The following PKP4 variants were observed in gnomAD, a reference collection of about 807,000 sequenced individuals.
The protein encoded by PKP4 is plakophilin-4.
Under a neutral mutation model 145.1 loss-of-function variants are expected in PKP4, and 90 were observed. The observed-to-expected ratio is 0.62, with a 90% CI of 0.52 to 0.74. The LOEUF (loss-of-function observed/expected upper bound fraction) is 0.74, where lower values mean the gene tolerates loss of function less well. PKP4 is among the 30% of genes least tolerant of loss of function. The probability of loss-of-function intolerance (pLI) is 0.00; values close to 1 mark genes in which losing one functional copy is unlikely to be tolerated. For missense variants in PKP4, 1,340 were observed against 1,482.7 expected, an observed-to-expected ratio of 0.90 and a Z score of 1.58; for synonymous variants, 563 against 577.2, an observed-to-expected ratio of 0.98 and a Z score of 0.35.
At chr2:158,571,878 G>A (rs1329111063) in intron 2 of PKP4, among the ~76,000 whole-genome samples, 1 of 152,144 alleles carries the variant, frequency 6.6e-6, no homozygotes. Flanking sequence ...TCAAAGGAGC[G>A]GGAGTGCAGA....
chr2:158,603,145 A>G, intron 4 of PKP4, 41 bp downstream of exon 4: 4 of 1,090,574 alleles, frequency 3.7e-6, no homozygotes, highest in East Asian at 5.1e-5. Flanking sequence ...TGATAAACAC[A>G]AATTACATAG....
chr2:158,569,879 C>G (rs2047284052), intron 2 of PKP4, among the ~76,000 whole-genome samples: 2 of 152,100 alleles, frequency 1.3e-5, no homozygotes, highest in Non-Finnish European at 2.9e-5. Flanking sequence ...GCAGCATTTC[C>G]CAAATCTACT....
At chr2:158,577,875 C>T (rs947405007) in intron 3 of PKP4, among the ~76,000 whole-genome samples, 1 of 152,102 alleles carries the variant, frequency 6.6e-6, no homozygotes, top group African/African-American at 2.4e-5. Flanking sequence ...ACAGTAAATA[C>T]TAAATGAGTG....
intron 11 of PKP4, among the ~76,000 whole-genome samples, chr2:158,650,228 T>G (rs529939698): frequency 6.6e-5 from 10 of 152,380 alleles, no homozygotes; most frequent in South Asian, 2.1e-4. Flanking sequence ...CCACTCTGTG[T>G]GTCCCATATG....
intron 2 of PKP4, among the ~76,000 whole-genome samples, chr2:158,573,830 A>G (rs899702086): frequency 3.9e-5 from 6 of 152,212 alleles, no homozygotes; most frequent in Non-Finnish European, 7.3e-5. Context: ...AAGGGAGCAA[A>G]TCTGGGCCTG....
intron 1 of PKP4, among the ~76,000 whole-genome samples, chr2:158,492,781 C>T (rs1216456159): frequency 6.6e-6 from 1 of 152,164 alleles, no homozygotes; most frequent in African/African-American, 2.4e-5. Context: ...CTTCTTCTTA[C>T]AGAAGTGTTA....
In PKP4 at chr2:158,680,590, G is replaced by A. The variant is rs2058376896; in HGVS notation, c.3492G>A (p.Ser1164=). ...TDYSTQYGLK[S]TTNYVDFYST... ...ACTCAACACAGTATGGACTGAAATC[G>A]ACCACAAATTATGTAGACTTTTATT... is the stretch of plus-strand genomic sequence containing the variant. Residue 1164 remains serine, a synonymous_variant, in exon 22 of 22, where the codon TCG becomes TCA. Coordinates refer to ENST00000389759, the MANE Select transcript of PKP4 (RefSeq NM_003628.6). 4 of 1,613,872 alleles carry A rather than the reference G, an allele frequency of 2.5e-6. No individual in the cohort carries two copies. The highest frequency in any genetic ancestry group is 2.2e-5 in the East Asian group (1 of 44,860).
chr2:158,475,575 C>A (rs1442193251), intron 1 of PKP4, among the ~76,000 whole-genome samples: 1 of 152,222 alleles, frequency 6.6e-6, no homozygotes, highest in Non-Finnish European at 1.5e-5. Flanking sequence ...AGCCAGAAGA[C>A]TTCTCTGCCA....
chr2:158,635,107 T>C (rs187996681), intron 9 of PKP4, among the ~76,000 whole-genome samples: 2 of 152,324 alleles, frequency 1.3e-5, no homozygotes, highest in East Asian at 3.9e-4. Flanking sequence ...CGCCCACAAA[T>C]AGTTGCTTCA....
chr2:158,638,289 A>G (rs1358232960), intron 9 of PKP4, among the ~76,000 whole-genome samples: 1 of 152,226 alleles, frequency 6.6e-6, no homozygotes, highest in East Asian at 1.9e-4. Context: ...AAAAGTATAT[A>G]AAATATTTTA....
chr2:158,611,987 G>T, intron 4 of PKP4, among the ~76,000 whole-genome samples: 2 of 149,936 alleles, frequency 1.3e-5, no homozygotes. Flanking sequence ...TTAACTTACT[G>T]TTTTAAGATG....
intron 1 of PKP4, among the ~76,000 whole-genome samples, chr2:158,526,767 G>T (rs1027371595): frequency 3.9e-5 from 3 of 76,690 alleles, no homozygotes; most frequent in Non-Finnish European, 7.5e-5. Flanking sequence ...TCCTTAAGCT[G>T]ATAAGCAACT....
chr2:158,588,746 TAGGTGAA>T (rs2049012095), intron 3 of PKP4: 1 of 152,264 alleles, frequency 6.6e-6, no homozygotes, highest in East Asian at 1.9e-4. Context: ...CCACTTAGGG[TAGGTGAA>T]GGCCCAACTA....
intron 11 of PKP4, among the ~76,000 whole-genome samples, chr2:158,654,153 C>T (rs2055670410): frequency 6.6e-6 from 1 of 152,122 alleles, no homozygotes; most frequent in African/African-American, 2.4e-5. Context: ...GAAGAAAAAC[C>T]AGTCAAAATG....
At chr2:158,597,584 G>A (rs1224949966) in intron 3 of PKP4, among the ~76,000 whole-genome samples, 1 of 152,114 alleles carries the variant, frequency 6.6e-6, no homozygotes, top group Non-Finnish European at 1.5e-5. Flanking sequence ...GATGATTGTT[G>A]GTCACCAGAG....
chr2:158,538,534 C>CTT (rs11346852), intron 2 of PKP4, among the ~76,000 whole-genome samples: 1,750 of 109,956 alleles, frequency 0.016, 12 homozygotes, highest in Non-Finnish European at 0.018. Context: ...TCTCTAACCA[C>CTT]TTTTTTTTTT....
intron 3 of PKP4, among the ~76,000 whole-genome samples, chr2:158,593,730 C>G (rs764612078): frequency 5.9e-5 from 9 of 152,138 alleles, no homozygotes; most frequent in Non-Finnish European, 1.0e-4. Flanking sequence ...TAAATCTTAA[C>G]TTTCCCTGGA....
intron 1 of PKP4, among the ~76,000 whole-genome samples, chr2:158,490,152 C>T (rs1694735471): frequency 6.6e-6 from 1 of 151,856 alleles, no homozygotes; most frequent in Admixed American, 6.6e-5. Context: ...TGGCATCTAC[C>T]TAGGATTTTT....
At chr2:158,513,295 A>G (rs2041669948) in intron 1 of PKP4, among the ~76,000 whole-genome samples, 1 of 152,134 alleles carries the variant, frequency 6.6e-6, no homozygotes, top group African/African-American at 2.4e-5. Flanking sequence ...TCTTAGAAGC[A>G]GCCTTGTTTC....
Sources: gnomAD v4.1 joint callset for allele counts (sites outside exome capture counted in the v4.1 genomes callset) on GRCh38, gnomAD v4.1.1 for gene constraint, MANE v1.5 for transcripts, NCBI Gene and HGNC (gene_info 2026-07-23, HGNC 2026-07-21) for gene names.